The following MYCBP2 variants were observed in gnomAD, a reference collection of about 807,000 sequenced individuals.
The protein encoded by MYCBP2 is MYC binding protein 2.
MYCBP2 carries 120 observed loss-of-function variants against 525.3 expected under a neutral mutation model. The ratio of observed to expected loss-of-function variants is 0.23; its 90% CI spans 0.20 to 0.27. The LOEUF is 0.27. Among genes scored for constraint, MYCBP2 ranks in the 10% least tolerant of loss-of-function variants. The probability of loss-of-function intolerance (pLI) is 1.00; values close to 1 mark genes in which losing one functional copy is unlikely to be tolerated. For missense variants in MYCBP2, 4,149 were observed against 5,657.1 expected (o/e 0.73, Z 8.55); for synonymous variants, 1,894 against 1,955.8 (o/e 0.97, Z 0.83).
In MYCBP2 at chr13:77,191,896, C is replaced by A; in HGVS notation, c.3936-83G>T. On this transcript the variant is annotated intron_variant, in intron 27 of 82. Transcript: ENST00000544440. ...TTATTTTTTCAAAATCCCTTGTGAA[C>A]AAAAACATGAAACTAACTGTATTAT... 7 of 1,326,830 alleles carry A rather than the reference C, an allele frequency of 5.3e-6. 1 individual carries two copies. Among genetic ancestry groups the A allele is most frequent in the Non-Finnish European group, 7.3e-6 (7 of 956,356 alleles). The allele number at this position is 1,326,830 out of a possible 1,614,324, so 82.2% of individuals were successfully genotyped here.
chr13:77,058,697 A>G lies in MYCBP2; in HGVS notation c.13141-291T>C, dbSNP rs9600812. Among the ~76,000 whole-genome samples the G allele has an allele frequency of 0.027, 4,083 of 152,118 alleles. 199 individuals are homozygous for G. Among genetic ancestry groups the G allele is most frequent in the African/African-American group, 0.092 (3,816 of 41,500 alleles). ...TCATCATGCACAGCTATAAAGCAAA[A>G]AGTTCCTGGCTGGGAGTCGTGGCTT... On this transcript the variant is annotated intron_variant, in intron 77 of 82. Transcript: ENST00000544440. This position sits in a 1 kb window ranked among gnomAD's most constrained non-coding sequence, Gnocchi z 4.1.
rs2060241493 is a variant in MYCBP2 at position 77,181,767 on chromosome 13, T to C, written c.4875A>G (p.Thr1625=). Reference sequence around the variant, plus strand: ...GATGAACTAGTGTTGAGTCGTTCTCTGTACTAACTTGTTTAACAATTGATC... The same window carrying C: ...GATGAACTAGTGTTGAGTCGTTCTCCGTACTAACTTGTTTAACAATTGATC... ...LLRSIVKQVS[T]ENDSTLVHRF... is the part of the protein sequence containing the mutation. The change falls in exon 33 of 83, where the codon ACA becomes ACG. Residue 1625 remains threonine, a synonymous_variant. Transcript: ENST00000544440. The C allele has an allele frequency of 6.2e-7, 1 of 1,614,154 alleles. No individual in the cohort carries two copies. The highest frequency in any genetic ancestry group is 8.5e-7 in the Non-Finnish European group (1 of 1,179,992).
At chr13:77,302,897 G>C (rs1243471873) in intron 1 of MYCBP2, among the ~76,000 whole-genome samples, 1 of 152,192 alleles carries the variant, frequency 6.6e-6, no homozygotes, top group Non-Finnish European at 1.5e-5. Flanking sequence ...CAGTAACACA[G>C]CTTCAAAATA....
chr13:77,291,269 A>C (rs1360239273), intron 2 of MYCBP2, among the ~76,000 whole-genome samples: 1 of 152,258 alleles, frequency 6.6e-6, no homozygotes, highest in Admixed American at 6.5e-5. Flanking sequence ...GGCAAAAGGT[A>C]CATGAAAAGA....
At chr13:77,282,555 A>C (rs2076311331) in intron 3 of MYCBP2, among the ~76,000 whole-genome samples, 2 of 152,192 alleles carry the variant, frequency 1.3e-5, no homozygotes, top group South Asian at 4.1e-4. Flanking sequence ...CAACTTTTCA[A>C]AGCTATTTTT....
At chr13:77,113,444 T>C (rs2049184079) in intron 55 of MYCBP2, among the ~76,000 whole-genome samples, 1 of 152,058 alleles carries the variant, frequency 6.6e-6, no homozygotes, top group African/African-American at 2.4e-5. Context: ...CTCATCACCA[T>C]AACCTAGCAC....
intron 26 of MYCBP2, among the ~76,000 whole-genome samples, chr13:77,199,942 A>T (rs1398970054): frequency 9.2e-5 from 14 of 152,246 alleles, no homozygotes; most frequent in Non-Finnish European, 1.6e-4. Flanking sequence ...AAGATGGGGA[A>T]AAAACAGAGC....
At position 77,058,284 on chromosome 13, in the gene MYCBP2, CTTCAGGCTTG is replaced by C; in HGVS notation, c.13253_13262del (p.Thr4418SerfsTer9). The C allele has an allele frequency of 6.2e-7, 1 of 1,614,210 alleles. No homozygotes were observed. Among genetic ancestry groups the C allele is most frequent in the Non-Finnish European group, 8.5e-7 (1 of 1,180,038 alleles). On this transcript the variant is annotated frameshift_variant, in exon 78 of 83. Transcript: ENST00000544440. LOFTEE classifies it high-confidence loss of function. This position sits in a 1 kb window ranked among gnomAD's most constrained non-coding sequence, Gnocchi z 4.1. ...TCATGCACATGTCATCGGCGTCTTG[CTTCAGGCTTG>C]TGGCACTTTTGTCACAGCCGTGTAG...
rs1206120242 is a variant in MYCBP2, at chr13:77,185,850, T to C, written c.4444+21A>G. The C allele has an allele frequency of 2.6e-6, 4 of 1,520,172 alleles. No homozygotes were observed. The Admixed American group carries it at 8.8e-5, about 34-fold the overall frequency. The allele number at this position is 1,520,172 out of a possible 1,614,324, so 94.2% of individuals were successfully genotyped here. A position where few individuals can be genotyped will look rare whatever the true frequency, so the allele number is the denominator to read the frequency against. ...CTCTAATATTTTCTCCCTATAGTCA[T>C]TTAAAAAAAATGCATCATACCTGAC... On this transcript the variant is annotated intron_variant, in intron 31 of 82. Coordinates refer to ENST00000544440, the MANE Select transcript of MYCBP2 (RefSeq NM_015057.5).
intron 75 of MYCBP2, 99 bp from the exon 76 acceptor site, chr13:77,061,400 T>A (rs1421839973): frequency 9.4e-7 from 1 of 1,068,958 alleles, no homozygotes; most frequent in East Asian, 2.7e-5. Flanking sequence ...TGGCTTTCAT[T>A]TAAGCACTCT....
At chr13:77,172,510 T>C (rs2059243087) in intron 37 of MYCBP2, among the ~76,000 whole-genome samples, 2 of 152,194 alleles carry the variant, frequency 1.3e-5, no homozygotes, top group Admixed American at 1.3e-4. Context: ...GAACTGATTG[T>C]AGGAGACCAA....
intron 55 of MYCBP2, among the ~76,000 whole-genome samples, chr13:77,119,252 A>T (rs2050285869): frequency 6.6e-6 from 1 of 152,168 alleles, no homozygotes; most frequent in East Asian, 1.9e-4. Flanking sequence ...ATAACTCCTT[A>T]TTTGTGAGTA....
intron 48 of MYCBP2, among the ~76,000 whole-genome samples, chr13:77,145,389 C>G (rs1291393914): frequency 6.6e-6 from 1 of 152,100 alleles, no homozygotes; most frequent in African/African-American, 2.4e-5. Context: ...TGTTGCTTTC[C>G]CTTTTCTGAC....
intron 55 of MYCBP2, among the ~76,000 whole-genome samples, chr13:77,115,683 G>A (rs1456743616): frequency 1.3e-5 from 2 of 149,308 alleles, no homozygotes; most frequent in Non-Finnish European, 1.5e-5. Context: ...ACTATGATTC[G>A]GAAAAAAAAA....
At position 77,062,606 on chromosome 13, in the gene MYCBP2, T is replaced by C. The variant is rs2039498914; in HGVS notation, c.12764A>G (p.Gln4255Arg). 1.9e-6 allele frequency: 3 copies of C among 1,613,744 alleles called. No individual in the cohort carries two copies. Among genetic ancestry groups the C allele is most frequent in the African/African-American group, 2.7e-5 (2 of 74,924 alleles). Reference protein sequence around the residue: ...SGRWMGKDGQQKQMPMCDNHD... With the variant: ...SGRWMGKDGQRKQMPMCDNHD... ...AAATTCTGATCTTACCATTTGTTTT[T>C]GTTGTCCATCCTTTCCCATCCATCT... Residue 4255 changes from glutamine (Q) to arginine (R), a missense_variant, in exon 74 of 83, where the codon CAA becomes CGA. Physicochemically the swap from Gln to Arg is conservative, Grantham distance 43. Coordinates refer to ENST00000544440, the MANE Select transcript of MYCBP2 (RefSeq NM_015057.5).
At chr13:77,172,094 T>C (rs1237740805) in intron 37 of MYCBP2, among the ~76,000 whole-genome samples, 1 of 152,016 alleles carries the variant, frequency 6.6e-6, no homozygotes, top group East Asian at 1.9e-4. Context: ...AGAGATGGGG[T>C]TTCACCACGT....
chr13:77,051,193 A>G (rs778438673), intron 81 of MYCBP2, 31 bp from the exon 82 acceptor site: 1 of 1,576,954 alleles, frequency 6.3e-7, no homozygotes, highest in Non-Finnish European at 8.6e-7. Context: ...CAGACACAAG[A>G]TCATAGTGAG....
chr13:77,109,427 A>C (rs1290772393), intron 55 of MYCBP2, among the ~76,000 whole-genome samples: 1 of 152,194 alleles, frequency 6.6e-6, no homozygotes, highest in Non-Finnish European at 1.5e-5. Context: ...CCTGCTGTAC[A>C]GCTGGGTTCC....
chr13:77,216,015 G>A (rs2064771088), intron 21 of MYCBP2, among the ~76,000 whole-genome samples: 1 of 152,182 alleles, frequency 6.6e-6, no homozygotes, highest in Admixed American at 6.5e-5. Context: ...AAAAGAATCA[G>A]GGTTCTTGGA....
Sources: gnomAD v4.1 joint callset for allele counts (sites outside exome capture counted in the v4.1 genomes callset) on GRCh38, gnomAD v4.1.1 for gene constraint, Gnocchi (gnomAD v3.1) non-coding constraint, MANE v1.5 for transcripts, NCBI Gene and HGNC (gene_info 2026-07-23, HGNC 2026-07-21) for gene names.